Variants in MCTP1 observed in about 807,000 individuals in gnomAD.
MCTP1 encodes the protein multiple C2 and transmembrane domain containing 1.
In MCTP1, 69 loss-of-function variants were observed where a neutral mutation model predicts 120.6. The ratio of observed to expected loss-of-function variants is 0.57; its 90% CI spans 0.47 to 0.70. The LOEUF is 0.70. Among genes scored for constraint, MCTP1 ranks in the 30% least tolerant of loss-of-function variants. MCTP1 has a pLI of 0.00. For synonymous variants in MCTP1, 529 were observed against 493.1 expected (o/e 1.07, Z -0.96); for missense variants, 1,203 against 1,248.8 (o/e 0.96, Z 0.55).
chr5:95,189,991 G>T (rs943164299), intron 1 of MCTP1, among the ~76,000 whole-genome samples: 3 of 152,060 alleles, frequency 2.0e-5, no homozygotes, highest in African/African-American at 7.2e-5. Context: ...ATCCGTACTT[G>T]GTGGGAGAGA....
At chr5:94,748,051 T>C (rs1767344949) in intron 19 of MCTP1, among the ~76,000 whole-genome samples, 1 of 152,152 alleles carries the variant, frequency 6.6e-6, no homozygotes, top group Non-Finnish European at 1.5e-5. Flanking sequence ...GATTGTGCCA[T>C]TGCACTCCAG....
chr5:95,243,229 G>A (rs1288919276), intron 1 of MCTP1, among the ~76,000 whole-genome samples: 1 of 152,202 alleles, frequency 6.6e-6, no homozygotes, highest in Non-Finnish European at 1.5e-5. Flanking sequence ...TAGAAAAAAA[G>A]AGGGAAATAT....
chr5:95,168,142 T>C (rs1392030485), intron 1 of MCTP1, among the ~76,000 whole-genome samples: 1 of 152,250 alleles, frequency 6.6e-6, no homozygotes, highest in African/African-American at 2.4e-5. Flanking sequence ...GCACCATTTA[T>C]TAAATAGGGA....
chr5:94,774,787 A>C (rs1015158842), intron 19 of MCTP1, among the ~76,000 whole-genome samples: 6 of 152,232 alleles, frequency 3.9e-5, no homozygotes, highest in Admixed American at 1.3e-4. Context: ...GAATTTTTAA[A>C]AAGAAGTATT....
At chr5:94,949,710 G>A (rs1820002056) in intron 3 of MCTP1, among the ~76,000 whole-genome samples, 1 of 151,934 alleles carries the variant, frequency 6.6e-6, no homozygotes, top group Non-Finnish European at 1.5e-5. Context: ...TCTTTTTCCT[G>A]TAATTATAGA....
intron 2 of MCTP1, among the ~76,000 whole-genome samples, chr5:94,962,915 A>T (rs1388907896): frequency 6.6e-6 from 1 of 152,192 alleles, no homozygotes; most frequent in Non-Finnish European, 1.5e-5. Flanking sequence ...TGAAAAAAAG[A>T]AAAATGTGAG....
At chr5:95,146,359 T>C (rs1278233318) in intron 1 of MCTP1, among the ~76,000 whole-genome samples, 1 of 152,204 alleles carries the variant, frequency 6.6e-6, no homozygotes, top group East Asian at 1.9e-4. Context: ...TGACATTTTG[T>C]AGTAACTTTT....
intron 1 of MCTP1, among the ~76,000 whole-genome samples, chr5:95,271,672 C>T (rs1416380860): frequency 6.6e-6 from 1 of 151,958 alleles, no homozygotes; most frequent in African/African-American, 2.4e-5. Context: ...ATGATACACA[C>T]TTACAGGAGA....
At chr5:94,947,573 T>TAGAGAGAGAG (rs1819310170) in intron 3 of MCTP1, among the ~76,000 whole-genome samples, 1 of 47,042 alleles carries the variant, frequency 2.1e-5, no homozygotes, top group Non-Finnish European at 4.0e-5. Context: ...TATATATATA[T>TAGAGAGAGAG]ATATAGAGAG....
chr5:95,204,790 GTAAA>G (rs1265342294), intron 1 of MCTP1, among the ~76,000 whole-genome samples: 2 of 151,748 alleles, frequency 1.3e-5, no homozygotes, highest in Non-Finnish European at 1.5e-5. Flanking sequence ...TAAAATACTC[GTAAA>G]TAAATTTTTA....
chr5:94,853,549 A>G (rs1403283663), intron 17 of MCTP1, among the ~76,000 whole-genome samples: 1 of 151,922 alleles, frequency 6.6e-6, no homozygotes, highest in African/African-American at 2.4e-5. Flanking sequence ...AGGTGCAATG[A>G]GGTTACCCAG....
chr5:94,772,101 C>T (rs569537759), intron 19 of MCTP1, among the ~76,000 whole-genome samples: 5 of 152,200 alleles, frequency 3.3e-5, no homozygotes, highest in South Asian at 2.1e-4. Flanking sequence ...ACCAGCTGTT[C>T]ATTCTTGGTT....
chr5:95,270,480 A>G (rs2152731047), intron 1 of MCTP1, among the ~76,000 whole-genome samples: 1 of 152,380 alleles, frequency 6.6e-6, no homozygotes, highest in Admixed American at 6.5e-5. Context: ...TTAGTTATGA[A>G]GTGTCATTTT....
intron 2 of MCTP1, among the ~76,000 whole-genome samples, chr5:94,979,940 A>G (rs1829034469): frequency 1.3e-5 from 2 of 152,182 alleles, no homozygotes; most frequent in Admixed American, 1.3e-4. Context: ...GCTAATAATA[A>G]GGAAAATGTA....
Position 94,703,931 on chromosome 5 carries a change from A to ATTCAAATTG in MCTP1, c.*3556_*3564dup, listed in dbSNP as rs1376195825. 2.6e-5 allele frequency: 4 copies of ATTCAAATTG among 151,048 alleles called. No individual in the cohort carries two copies. The highest frequency in any genetic ancestry group is 6.6e-5 in the Admixed American group (1 of 15,100). The allele number at this position is 151,048 out of a possible 1,614,324, so 9.4% of individuals were successfully genotyped here. On this transcript the variant is annotated 3_prime_UTR_variant, in exon 23 of 23. Transcript: ENST00000515393. ...AAGTAAATCTTATGTGACTGCCTCT[A>ATTCAAATTG]TTCAAATTGCCACTATATAAAAGAA...
chr5:95,244,576 G>A (rs1209041506), intron 1 of MCTP1, among the ~76,000 whole-genome samples: 1 of 152,230 alleles, frequency 6.6e-6, no homozygotes, highest in South Asian at 2.1e-4. Context: ...TTTGCTCACT[G>A]CTAGCGCAAC....
intron 1 of MCTP1, among the ~76,000 whole-genome samples, chr5:95,169,708 G>A (rs1323067629): frequency 2.0e-5 from 3 of 152,044 alleles, no homozygotes; most frequent in Non-Finnish European, 4.4e-5. Flanking sequence ...ATTCTCTGAG[G>A]GTAGTTTGTA....
chr5:94,784,493 T>C (rs1176943017), intron 18 of MCTP1, among the ~76,000 whole-genome samples: 2 of 152,080 alleles, frequency 1.3e-5, no homozygotes, highest in East Asian at 1.9e-4. Context: ...ACAGGACACC[T>C]ACTTCTCACA....
chr5:95,186,888 T>G (rs1182273682), intron 1 of MCTP1, among the ~76,000 whole-genome samples: 1 of 152,236 alleles, frequency 6.6e-6, no homozygotes. Flanking sequence ...ATACATCCAG[T>G]GGCTTTTAAT....
Sources: allele counts gnomAD v4.1 joint callset (sites outside exome capture counted in the v4.1 genomes callset), GRCh38; gene constraint gnomAD v4.1.1; transcripts MANE v1.5; gene names NCBI Gene and HGNC (gene_info 2026-07-23, HGNC 2026-07-21).